Variants in CYP7B1 observed in about 807,000 individuals in gnomAD.
CYP7B1 encodes cytochrome P450 family 7 subfamily B member 1.
CYP7B1 carries 29 observed loss-of-function variants against 42.7 expected under a neutral mutation model. That is an observed-to-expected ratio of 0.68 (90% confidence interval 0.51 to 0.93). The LOEUF (loss-of-function observed/expected upper bound fraction) is 0.93. CYP7B1 is among the 40% of genes least tolerant of loss of function. The probability of loss-of-function intolerance (pLI) is 0.00; values close to 1 mark genes in which losing one functional copy is unlikely to be tolerated. For synonymous variants in CYP7B1, 235 were observed against 218.2 expected, an observed-to-expected ratio of 1.08 and a Z score of -0.68; for missense variants, 655 against 600.5, an observed-to-expected ratio of 1.09 and a Z score of -0.95.
chr8:64,714,540 GCAAT>G (rs1401393936), intron 1 of CYP7B1, among the ~76,000 whole-genome samples: 4 of 152,184 alleles, frequency 2.6e-5, no homozygotes, highest in Non-Finnish European at 5.9e-5. Flanking sequence ...CCTTCTAGTT[GCAAT>G]CAGAGGGTTC....
chr8:64,737,579 ATT>A (rs1265417223), intron 1 of CYP7B1, among the ~76,000 whole-genome samples: 2 of 152,212 alleles, frequency 1.3e-5, no homozygotes, highest in Non-Finnish European at 2.9e-5. Context: ...TAAGAATCAT[ATT>A]TTTAACTTTT....
rs1207702197 is a variant in CYP7B1, at chr8:64,591,039, A to T, written c.*5603T>A. Reference sequence around the variant, plus strand: ...TTTCAGAAAATTGTTTTAATAATATACAGCACTCCTCCTTCTAAAAATATT... The same window carrying T: ...TTTCAGAAAATTGTTTTAATAATATTCAGCACTCCTCCTTCTAAAAATATT... On this transcript the variant is annotated 3_prime_UTR_variant, in exon 6 of 6. Coordinates refer to ENST00000310193, the MANE Select transcript of CYP7B1 (RefSeq NM_004820.5). Among the ~76,000 whole-genome samples, 2 of 152,198 alleles carry T rather than the reference A, an allele frequency of 1.3e-5. No individual in the cohort carries two copies. Among genetic ancestry groups the T allele is most frequent in the African/African-American group, 4.8e-5 (2 of 41,462 alleles).
At chr8:64,602,948 G>C (rs1419304666) in intron 5 of CYP7B1, among the ~76,000 whole-genome samples, 2 of 151,970 alleles carry the variant, frequency 1.3e-5, no homozygotes, top group Non-Finnish European at 2.9e-5. Flanking sequence ...TTTTTTTTCT[G>C]TGCCAGGTAT....
At chr8:64,612,788 T>C (rs1203795982) in intron 4 of CYP7B1, among the ~76,000 whole-genome samples, 1 of 152,150 alleles carries the variant, frequency 6.6e-6, no homozygotes, top group East Asian at 1.9e-4. Flanking sequence ...GCATTTAAAA[T>C]ACATAGAACT....
chr8:64,671,269 G>A (rs1361817639), intron 1 of CYP7B1, among the ~76,000 whole-genome samples: 1 of 152,036 alleles, frequency 6.6e-6, no homozygotes, highest in Non-Finnish European at 1.5e-5. Context: ...AGTGGTGGGG[G>A]CAGAAAAAAG....
At chr8:64,776,516 T>C (rs1303492000) in intron 1 of CYP7B1, among the ~76,000 whole-genome samples, 1 of 152,136 alleles carries the variant, frequency 6.6e-6, no homozygotes. Flanking sequence ...TAAACCCTCT[T>C]GCCCTATCAT....
chr8:64,790,096 A>T (rs1804593104), intron 1 of CYP7B1, among the ~76,000 whole-genome samples: 1 of 152,226 alleles, frequency 6.6e-6, no homozygotes, highest in Non-Finnish European at 1.5e-5. Flanking sequence ...TAAGAATCAA[A>T]GCACGTGAGA....
At chr8:64,589,479 G>A (rs1355948036), downstream of CYP7B1, among the ~76,000 whole-genome samples, 1 of 151,964 alleles carries the variant, frequency 6.6e-6, no homozygotes, top group African/African-American at 2.4e-5. Context: ...ACTTTTAACG[G>A]TATTCCATTT....
At chr8:64,600,661 C>T (rs748527048) in intron 5 of CYP7B1, among the ~76,000 whole-genome samples, 3 of 152,186 alleles carry the variant, frequency 2.0e-5, no homozygotes, top group Middle Eastern at 3.4e-3. Flanking sequence ...AGAGTGTGCA[C>T]ATCTCTTAGT....
Position 64,596,868 on chromosome 8 carries a change from CCT to C in CYP7B1, c.1293_1294del (p.Gly432GlufsTer39). ...CATTAGGTAACACTTCAGCTTTTTCCCTCTTTTGAAAAAGGTGGTTTTCTTCT... is the reference window on the plus strand; with the variant it reads ...CATTAGGTAACACTTCAGCTTTTTCCCTTTTGAAAAAGGTGGTTTTCTTCT... On this transcript the variant is annotated frameshift_variant, in exon 6 of 6. Coordinates refer to ENST00000310193, the MANE Select transcript of CYP7B1 (RefSeq NM_004820.5). LOFTEE classifies it low-confidence loss of function (END_TRUNC). 6.2e-7 allele frequency: 1 copy of C among 1,613,662 alleles called. No homozygotes were observed. Among genetic ancestry groups the C allele is most frequent in the East Asian group, 2.2e-5 (1 of 44,860 alleles).
intron 1 of CYP7B1, among the ~76,000 whole-genome samples, chr8:64,777,784 T>C (rs1776253474): frequency 6.6e-6 from 1 of 151,928 alleles, no homozygotes; most frequent in African/African-American, 2.4e-5. Flanking sequence ...AAGAGCCAAA[T>C]TGTATGGTAA....
chr8:64,691,434 T>C (rs902527807), intron 1 of CYP7B1, among the ~76,000 whole-genome samples: 27 of 123,854 alleles, frequency 2.2e-4, no homozygotes, highest in Non-Finnish European at 4.2e-4. Flanking sequence ...AGCCAGCATA[T>C]GTACATATAA....
chr8:64,777,618 A>C (rs1804348427), intron 1 of CYP7B1, among the ~76,000 whole-genome samples: 1 of 152,068 alleles, frequency 6.6e-6, no homozygotes, highest in Non-Finnish European at 1.5e-5. Flanking sequence ...AGACCCTAGG[A>C]ATGTTGTTAA....
intron 1 of CYP7B1, among the ~76,000 whole-genome samples, chr8:64,738,001 T>G (rs1045606628): frequency 3.9e-5 from 6 of 152,234 alleles, no homozygotes; most frequent in African/African-American, 4.8e-5. Flanking sequence ...CCTGTCTGTC[T>G]GTGCAAATGT....
intron 1 of CYP7B1, chr8:64,734,276 A>G (rs1314551632): frequency 6.6e-6 from 1 of 152,192 alleles, no homozygotes; most frequent in African/African-American, 2.4e-5. Context: ...TCCTTAGTCC[A>G]CTAGTGCTGC....
At chr8:64,782,013 G>C (rs986343444) in intron 1 of CYP7B1, among the ~76,000 whole-genome samples, 2 of 152,118 alleles carry the variant, frequency 1.3e-5, no homozygotes, top group African/African-American at 4.8e-5. Context: ...CTGGCACCTA[G>C]GAGGACCTCG....
chr8:64,662,253 A>T (rs2129631451), intron 1 of CYP7B1, among the ~76,000 whole-genome samples: 1 of 152,280 alleles, frequency 6.6e-6, no homozygotes, highest in Middle Eastern at 3.4e-3. Context: ...GGATTACTTG[A>T]GCCTGGGAGG....
rs749258875 is a variant in CYP7B1 at position 64,735,981 on chromosome 8, T to C, written c.122+62485A>G. ...TTAAAAAATAAAAATAAATTTTTAA[T>C]GTTTTCACCCATGCCCTAAGTATTA... is the stretch of plus-strand genomic sequence containing the variant. On this transcript the variant is annotated intron_variant, in intron 1 of 5. Transcript: ENST00000310193. 1.8e-4 allele frequency among the ~76,000 whole-genome samples: 28 copies of C among 152,232 alleles called. 1 individual carries two copies. The highest frequency in any genetic ancestry group is 2.7e-4 in the African/African-American group (11 of 41,464).
At chr8:64,762,518 T>C (rs1001438627) in intron 1 of CYP7B1, among the ~76,000 whole-genome samples, 4 of 152,094 alleles carry the variant, frequency 2.6e-5, no homozygotes, top group Non-Finnish European at 5.9e-5. Context: ...AAAATGCAAA[T>C]AGGTAAAAAA....
Sources: allele counts gnomAD v4.1 joint callset (sites outside exome capture counted in the v4.1 genomes callset), GRCh38; gene constraint gnomAD v4.1.1; transcripts MANE v1.5; gene names NCBI Gene and HGNC (gene_info 2026-07-23, HGNC 2026-07-21).